The following FIP1L1 variants were observed in gnomAD, a reference collection of about 807,000 sequenced individuals.
FIP1L1 encodes pre-mRNA 3'-end-processing factor FIP1.
FIP1L1 carries 21 observed loss-of-function variants against 84.6 expected under a neutral mutation model. The ratio of observed to expected loss-of-function variants is 0.25; its 90% CI spans 0.18 to 0.36. The LOEUF is 0.36. FIP1L1 is among the 10% of genes least tolerant of loss of function. The probability of loss-of-function intolerance (pLI) is 1.00; values close to 1 mark genes in which losing one functional copy is unlikely to be tolerated. For missense variants in FIP1L1, 526 were observed against 751.1 expected (o/e 0.70, Z 3.50); for synonymous variants, 263 against 242.3 (o/e 1.09, Z -0.80).
In FIP1L1 at chr4:53,401,142, T is replaced by C. The variant is rs377244879; in HGVS notation, c.815+1303T>C. Among the ~76,000 whole-genome samples, 8 of 152,334 alleles carry C rather than the reference T, an allele frequency of 5.3e-5. No homozygotes were observed. The East Asian group carries it at 1.2e-3, about 22-fold the overall frequency. ...AGTTATCTATATTCAGTGGATTCAT[T>C]TATGTAAAGTGTTTTAGAACAGTGC... On this transcript the variant is annotated intron_variant, in intron 10 of 17. Coordinates refer to ENST00000337488, the MANE Select transcript of FIP1L1 (RefSeq NM_030917.4).
chr4:53,451,554 T>C (rs1579168158), intron 15 of FIP1L1, among the ~76,000 whole-genome samples: 2 of 148,902 alleles, frequency 1.3e-5, no homozygotes, highest in South Asian at 4.3e-4. Context: ...TTTTCTTCAT[T>C]GTTTTGAAAC....
intron 13 of FIP1L1, among the ~76,000 whole-genome samples, chr4:53,438,831 A>G (rs1201614537): frequency 5.3e-5 from 8 of 152,204 alleles, no homozygotes; most frequent in Non-Finnish European, 1.0e-4. Context: ...GGGGCTGACT[A>G]GTAATTTTTT....
chr4:53,447,328 G>A (rs959327788), intron 15 of FIP1L1, among the ~76,000 whole-genome samples: 57 of 151,836 alleles, frequency 3.8e-4, no homozygotes, highest in African/African-American at 1.2e-3. Context: ...ATTTATATAT[G>A]TATTACTATT....
chr4:53,459,517 G>T lies in FIP1L1; in HGVS notation c.*68G>T. The T allele has an allele frequency of 1.9e-6, 3 of 1,598,608 alleles. No homozygotes were observed. Among genetic ancestry groups the T allele is most frequent in the East Asian group, 2.2e-5 (1 of 44,768 alleles). On this transcript the variant is annotated 3_prime_UTR_variant, in exon 18 of 18. Transcript: ENST00000337488. Reference sequence around the variant, plus strand: ...TACTATAAATCTTGTTATTTTTCTGGATAATGTTTAAGAAATTTACCTTAA... The same window carrying T: ...TACTATAAATCTTGTTATTTTTCTGTATAATGTTTAAGAAATTTACCTTAA...
intron 5 of FIP1L1, among the ~76,000 whole-genome samples, chr4:53,388,470 G>A (rs1742342162): frequency 6.6e-6 from 1 of 152,098 alleles, no homozygotes; most frequent in African/African-American, 2.4e-5. Flanking sequence ...GAGTAGCTGG[G>A]ATTACAGGCG....
intron 15 of FIP1L1, among the ~76,000 whole-genome samples, chr4:53,446,118 C>T (rs1038184321): frequency 2.6e-5 from 4 of 152,090 alleles, no homozygotes; most frequent in African/African-American, 4.8e-5. Flanking sequence ...GTTCAAACTG[C>T]GCTTGCCATT....
chr4:53,383,942 C>A, intron 5 of FIP1L1, 66 bp downstream of exon 5: 1 of 1,421,328 alleles, frequency 7.0e-7, no homozygotes, highest in Non-Finnish European at 9.5e-7. Context: ...GTGCCTATAT[C>A]AAACTCTCAG....
At chr4:53,428,966 TC>T (rs1477044871) in intron 13 of FIP1L1, among the ~76,000 whole-genome samples, 1 of 152,230 alleles carries the variant, frequency 6.6e-6, no homozygotes, top group East Asian at 1.9e-4. Context: ...AGGCTTTACT[TC>T]CTATTAATCA....
intron 10 of FIP1L1, among the ~76,000 whole-genome samples, chr4:53,411,364 C>T (rs749383520): frequency 6.6e-6 from 1 of 152,316 alleles, no homozygotes; most frequent in African/African-American, 2.4e-5. Context: ...GTTGTCAATA[C>T]TGTCACTTTC....
intron 5 of FIP1L1, among the ~76,000 whole-genome samples, chr4:53,388,413 C>T (rs1277457400): frequency 1.3e-5 from 2 of 151,892 alleles, no homozygotes; most frequent in African/African-American, 4.8e-5. Flanking sequence ...GATCTCACTG[C>T]AAGCTCCGCC....
chr4:53,389,984 G>T, intron 6 of FIP1L1, 111 bp downstream of exon 6: 1 of 773,758 alleles, frequency 1.3e-6, no homozygotes. Context: ...TGTCACTCAG[G>T]CTGGAGTACA....
At chr4:53,386,911 T>C (rs1741394705) in intron 5 of FIP1L1, among the ~76,000 whole-genome samples, 1 of 152,166 alleles carries the variant, frequency 6.6e-6, no homozygotes, top group African/African-American at 2.4e-5. Flanking sequence ...AGAGGGGTGA[T>C]AAAGGGGCTT....
intron 15 of FIP1L1, among the ~76,000 whole-genome samples, chr4:53,452,423 A>G (rs1560586178): frequency 6.6e-6 from 1 of 151,624 alleles, no homozygotes; most frequent in Non-Finnish European, 1.5e-5. Flanking sequence ...GGTTCAAGTG[A>G]TTCTCCTGCC....
At chr4:53,420,171 C>T (rs1367520162) in intron 11 of FIP1L1, among the ~76,000 whole-genome samples, 1 of 114,272 alleles carries the variant, frequency 8.8e-6, no homozygotes, top group Non-Finnish European at 1.6e-5. Context: ...GCACTCCAGC[C>T]TGGACGACAG....
rs572017096 is a variant in FIP1L1 at position 53,409,099 on chromosome 4, C to T, written c.816-5516C>T. Among the ~76,000 whole-genome samples, 24 of 152,274 alleles carry T rather than the reference C, an allele frequency of 1.6e-4. No homozygotes were observed. The East Asian group carries it at 1.9e-3, about 12-fold the overall frequency. ...CTTTTTAGAGTTTCGAGTTTTTCTG[C>T]TCTGTTTTTTCCCCATCTTTGTGGT... On this transcript the variant is annotated intron_variant, in intron 10 of 17. Coordinates refer to ENST00000337488, the MANE Select transcript of FIP1L1 (RefSeq NM_030917.4).
intron 6 of FIP1L1, among the ~76,000 whole-genome samples, 156 bp from the exon 7 acceptor site, chr4:53,390,365 G>A (rs1372434345): frequency 1.3e-5 from 2 of 152,146 alleles, no homozygotes; most frequent in Admixed American, 6.5e-5. Context: ...CCCTTGCCAG[G>A]TTTTTTGCCA....
chr4:53,383,731 G>A, intron 4 of FIP1L1, 42 bp from the exon 5 acceptor site: 2 of 1,541,970 alleles, frequency 1.3e-6, no homozygotes, highest in South Asian at 1.2e-5. Flanking sequence ...ATGTTGAAAT[G>A]GATTACTGAA....
chr4:53,425,896 T>C lies in FIP1L1; in HGVS notation c.948T>C (p.Val316=), dbSNP rs745504996. ...GGAGATTACCTGGGGCAATTGATGT[T>C]ATCGGTCAGACTATAACTATCAGCC... ...DLRRLPGAID[V]IGQTITISRV... is the part of the protein sequence containing the mutation. Residue 316 remains valine, a synonymous_variant, in exon 12 of 18, where the codon GTT becomes GTC. Transcript: ENST00000337488. 1 of 1,610,844 alleles carries C rather than the reference T, an allele frequency of 6.2e-7. No homozygotes were observed. Among genetic ancestry groups the C allele is most frequent in the Non-Finnish European group, 8.5e-7 (1 of 1,177,924 alleles).
At chr4:53,385,398 C>A (rs1740407748) in intron 5 of FIP1L1, among the ~76,000 whole-genome samples, 1 of 151,960 alleles carries the variant, frequency 6.6e-6, no homozygotes, top group South Asian at 2.1e-4. Flanking sequence ...AACTTTATTT[C>A]TTATAGCAAT....
Sources: gnomAD v4.1 joint callset for allele counts (sites outside exome capture counted in the v4.1 genomes callset) on GRCh38, gnomAD v4.1.1 for gene constraint, MANE v1.5 for transcripts, NCBI Gene and HGNC (gene_info 2026-07-23, HGNC 2026-07-21) for gene names.